The following SLC1A1 variants were observed in gnomAD, a reference collection of about 807,000 sequenced individuals.
SLC1A1 encodes excitatory amino acid transporter 3.
SLC1A1 carries 43 observed loss-of-function variants against 53.3 expected under a neutral mutation model. The ratio of observed to expected loss-of-function variants is 0.81; its 90% CI spans 0.63 to 1.04. SLC1A1 has a LOEUF of 1.04. Ranked by LOEUF, SLC1A1 falls within the 50% of genes least tolerant of loss-of-function variation. The pLI is 0.00. For missense variants in SLC1A1, 748 were observed against 664.9 expected (o/e 1.12, Z -1.37); for synonymous variants, 307 against 243.2 (o/e 1.26, Z -2.44).
chr9:4,566,031 T>C lies in SLC1A1; in HGVS notation c.441-16T>C. The C allele has an allele frequency of 1.2e-6, 2 of 1,607,314 alleles. No homozygotes were observed. Among genetic ancestry groups the C allele is most frequent in the Non-Finnish European group, 1.7e-6 (2 of 1,173,862 alleles). The stretch of plus-strand genomic sequence containing the variant: ...TTTTTGCCCTAACATAATACTGCCT[T>C]TTATGTCTCCAACAGGAATATGTTC... On this transcript the variant is annotated splice_polypyrimidine_tract_variant and intron_variant, in intron 4 of 11. Transcript: ENST00000262352.
At chr9:4,548,232 C>A (rs996397796) in intron 2 of SLC1A1, among the ~76,000 whole-genome samples, 1 of 152,068 alleles carries the variant, frequency 6.6e-6, no homozygotes, top group Non-Finnish European at 1.5e-5. Flanking sequence ...TCCTCCAGAC[C>A]CTGAAGTAGT....
chr9:4,503,810 G>A (rs924326025), intron 1 of SLC1A1, among the ~76,000 whole-genome samples: 1 of 151,832 alleles, frequency 6.6e-6, no homozygotes, highest in African/African-American at 2.4e-5. Flanking sequence ...CACAGGAGGT[G>A]CCCCCAGATA....
Position 4,560,645 on chromosome 9 carries a change from C to T in SLC1A1, c.233-804C>T, listed in dbSNP as rs541008268. On this transcript the variant is annotated intron_variant, in intron 2 of 11. Transcript: ENST00000262352. Reference sequence around the variant, plus strand: ...TTCCAGTTAAGCCTAAGCTTCCTGACAGAAAAGGCAGAAAGGAAAACTATC... The same window carrying T: ...TTCCAGTTAAGCCTAAGCTTCCTGATAGAAAAGGCAGAAAGGAAAACTATC... 2.0e-5 allele frequency among the ~76,000 whole-genome samples: 3 copies of T among 151,108 alleles called. No individual in the cohort carries two copies. The South Asian group carries it at 6.3e-4, about 32-fold the overall frequency.
chr9:4,573,588 A>T (rs910612674), intron 7 of SLC1A1, among the ~76,000 whole-genome samples: 1 of 152,132 alleles, frequency 6.6e-6, no homozygotes, highest in African/African-American at 2.4e-5. Context: ...TGCAGATAGG[A>T]CAATCAGCAG....
At chr9:4,547,949 A>G (rs1586753352) in intron 2 of SLC1A1, among the ~76,000 whole-genome samples, 2 of 152,334 alleles carry the variant, frequency 1.3e-5, no homozygotes, top group Non-Finnish European at 2.9e-5. Context: ...TAGTGTATAC[A>G]ATCCAAATTT....
chr9:4,534,321 A>G (rs529379816), intron 1 of SLC1A1, among the ~76,000 whole-genome samples: 2 of 152,334 alleles, frequency 1.3e-5, no homozygotes, highest in South Asian at 4.1e-4. Context: ...TAGCAAGAGT[A>G]ATAAAGAAGA....
intron 2 of SLC1A1, chr9:4,559,928 G>T (rs1564038294): frequency 6.6e-6 from 1 of 152,130 alleles, no homozygotes; most frequent in Admixed American, 6.5e-5. Flanking sequence ...ATCTTTGATA[G>T]AGAGCAAAGG....
At chr9:4,541,834 A>G (rs1467315838) in intron 1 of SLC1A1, among the ~76,000 whole-genome samples, 4 of 152,198 alleles carry the variant, frequency 2.6e-5, no homozygotes, top group Non-Finnish European at 4.4e-5. Flanking sequence ...AGTTATTCCT[A>G]GCAGCCTTTG....
intron 2 of SLC1A1, among the ~76,000 whole-genome samples, chr9:4,557,298 C>T (rs546619932): frequency 9.9e-5 from 15 of 152,170 alleles, no homozygotes; most frequent in East Asian, 1.9e-4. Flanking sequence ...GAGATTTGCG[C>T]GTAGCATCTT....
intron 1 of SLC1A1, among the ~76,000 whole-genome samples, chr9:4,532,817 G>C (rs1200843874): frequency 6.6e-6 from 1 of 152,136 alleles, no homozygotes; most frequent in African/African-American, 2.4e-5. Context: ...CAGAGAGAAA[G>C]GTCGGGTTAC....
intron 2 of SLC1A1, among the ~76,000 whole-genome samples, chr9:4,557,203 T>C (rs1818490052): frequency 6.6e-6 from 1 of 152,186 alleles, no homozygotes. Flanking sequence ...TAGAGCACCT[T>C]ATTTAAGGCA....
chr9:4,502,109 A>G (rs1020926286), intron 1 of SLC1A1, among the ~76,000 whole-genome samples: 7 of 151,584 alleles, frequency 4.6e-5, no homozygotes, highest in Non-Finnish European at 7.4e-5. Context: ...ATTATGGGCC[A>G]GGCACAGTGG....
chr9:4,567,758 A>G lies in SLC1A1; in HGVS notation c.573A>G (p.Ala191=), dbSNP rs1221713383. 2 of 1,596,834 alleles carry G rather than the reference A, an allele frequency of 1.3e-6. No individual in the cohort carries two copies. The highest frequency in any genetic ancestry group is 1.7e-6 in the Non-Finnish European group (2 of 1,164,546). The stretch of plus-strand genomic sequence containing the variant: ...CCTTCACAGCTGTCATGACAACTGC[A>G]ATTTCCAAGGTACCATTCTTATTTC... ...EESFTAVMTT[A]ISKNKTKEYK... is the part of the protein sequence containing the mutation. Residue 191 remains alanine (A), a synonymous_variant, in exon 6 of 12, where the codon GCA becomes GCG. Coordinates refer to ENST00000262352, the MANE Select transcript of SLC1A1 (RefSeq NM_004170.6).
intron 2 of SLC1A1, among the ~76,000 whole-genome samples, chr9:4,552,022 T>G (rs1045392527): frequency 6.6e-6 from 1 of 152,234 alleles, no homozygotes; most frequent in Non-Finnish European, 1.5e-5. Context: ...CCTGAGACAG[T>G]GAAGCCCAGA....
intron 1 of SLC1A1, among the ~76,000 whole-genome samples, chr9:4,543,283 G>A (rs1817172208): frequency 6.6e-6 from 1 of 152,062 alleles, no homozygotes. Context: ...GAATCTTTCT[G>A]CCACTTAGTC....
intron 1 of SLC1A1, among the ~76,000 whole-genome samples, chr9:4,524,668 T>C (rs1289507134): frequency 1.3e-5 from 2 of 152,190 alleles, no homozygotes; most frequent in Non-Finnish European, 2.9e-5. Context: ...CAAAATATGA[T>C]AGAGAAAGTC....
chr9:4,564,076 C>T lies in SLC1A1; in HGVS notation c.326-268C>T, dbSNP rs187902311. Reference sequence around the variant, plus strand: ...CAGAAGCAATTCTGGGATGCAGCCCCTTCATTTAAAACACACATACACACA... The same window carrying T: ...CAGAAGCAATTCTGGGATGCAGCCCTTTCATTTAAAACACACATACACACA... On this transcript the variant is annotated intron_variant, in intron 3 of 11. Coordinates refer to ENST00000262352, the MANE Select transcript of SLC1A1 (RefSeq NM_004170.6). Among the ~76,000 whole-genome samples, 17 of 146,950 alleles carry T rather than the reference C, an allele frequency of 1.2e-4. No homozygotes were observed. In the East Asian group the frequency reaches 3.3e-3, roughly 29 times the overall value.
intron 2 of SLC1A1, among the ~76,000 whole-genome samples, chr9:4,545,189 G>GTCTCCCTCTCTCTCTCTCTC (rs1554681237): frequency 2.3e-5 from 3 of 130,906 alleles, no homozygotes; most frequent in African/African-American, 8.6e-5. Context: ...TACATTAGAT[G>GTCTCCCTCTCTCTCTCTCTC]TCTCTCTCTC....
intron 6 of SLC1A1, among the ~76,000 whole-genome samples, chr9:4,570,718 G>C (rs771041440): frequency 2.6e-5 from 4 of 152,000 alleles, no homozygotes; most frequent in Non-Finnish European, 5.9e-5. Flanking sequence ...TTATCTCTCT[G>C]TAAATCTCAG....
Sources: gnomAD v4.1 joint callset for allele counts (sites outside exome capture counted in the v4.1 genomes callset) on GRCh38, gnomAD v4.1.1 for gene constraint, MANE v1.5 for transcripts, NCBI Gene and HGNC (gene_info 2026-07-23, HGNC 2026-07-21) for gene names.